Variants in GCSAML observed in about 807,000 individuals in gnomAD.
The protein encoded by GCSAML is germinal center associated signaling and motility like.
GCSAML carries 9 observed loss-of-function variants against 13.0 expected under a neutral mutation model. That is an observed-to-expected ratio of 0.69 (90% CI 0.42 to 1.21). The LOEUF (loss-of-function observed/expected upper bound fraction) is 1.21, where lower values mean the gene tolerates loss of function less well. Among genes scored for constraint, GCSAML ranks in the 50% most tolerant of loss-of-function variants. GCSAML has a pLI of 0.00. For missense variants in GCSAML, 143 were observed against 153.4 expected (o/e 0.93, Z 0.36); for synonymous variants, 37 against 52.9 (o/e 0.70, Z 1.31).
At chr1:247,510,746 C>T (rs1006671905) in intron 1 of GCSAML, among the ~76,000 whole-genome samples, 4 of 152,160 alleles carry the variant, frequency 2.6e-5, no homozygotes, top group Admixed American at 2.0e-4. Flanking sequence ...GCCCTAATTT[C>T]ATTATTTACC....
At position 247,556,389 on chromosome 1, in the gene GCSAML, T is replaced by A; in HGVS notation, c.30-18T>A. 1 of 1,588,742 alleles carries A rather than the reference T, an allele frequency of 6.3e-7. No homozygotes were observed. The highest frequency in any genetic ancestry group is 1.1e-5 in the South Asian group (1 of 89,686). On this transcript the variant is annotated intron_variant, in intron 1 of 4. Transcript: ENST00000366488. The stretch of plus-strand genomic sequence containing the variant: ...GGGCAGTAACAATCTCTCTTTTTTC[T>A]TATGTGTTTCCATATAGTTGCCTGG...
In GCSAML at chr1:247,550,654, A is replaced by AAC. The variant is rs570301983; in HGVS notation, c.29+1435_29+1436insCA. 4.5e-3 allele frequency among the ~76,000 whole-genome samples: 673 copies of AAC among 150,902 alleles called. 4 individuals carry two copies. Among genetic ancestry groups the AAC allele is most frequent in the African/African-American group, 0.015 (604 of 40,940 alleles). The stretch of plus-strand genomic sequence containing the variant: ...TCTGTCTCAAATAAACAAACAAACA[A>AAC]AAAAAAATGCTTAAGGGTTCATGGA... On this transcript the variant is annotated intron_variant, in intron 1 of 4. Coordinates refer to ENST00000366488, the MANE Select transcript of GCSAML (RefSeq NM_145278.5).
At chr1:247,552,404 T>G (rs4925560) in intron 1 of GCSAML, among the ~76,000 whole-genome samples, 52,397 of 152,140 alleles carry the variant, frequency 0.34, 11,070 homozygotes, top group East Asian at 0.74. Context: ...AGCCTCCTGT[T>G]GCTCTGACCC....
At chr1:247,573,110 A>C (rs939890902) in intron 4 of GCSAML, among the ~76,000 whole-genome samples, 1 of 152,206 alleles carries the variant, frequency 6.6e-6, no homozygotes, top group Non-Finnish European at 1.5e-5. Context: ...GCTGGGCTCC[A>C]TGGTGGTGGG....
In GCSAML at chr1:247,550,404, G is replaced by T. The variant is rs141527588; in HGVS notation, c.29+1184G>T. On this transcript the variant is annotated intron_variant, in intron 1 of 4. Coordinates refer to ENST00000366488, the MANE Select transcript of GCSAML (RefSeq NM_145278.5). ...TGTAATCCCAGCACTTTGGGAGGCC[G>T]AGGCGGGTGGATCACGAGGTCAGGA... Among the ~76,000 whole-genome samples, 376 of 152,252 alleles carry T rather than the reference G, an allele frequency of 2.5e-3. 1 individual carries two copies. The highest frequency in any genetic ancestry group is 8.7e-3 in the African/African-American group (360 of 41,554).
In GCSAML at chr1:247,574,432, A is replaced by G; in HGVS notation, c.*50A>G. On this transcript the variant is annotated 3_prime_UTR_variant, in exon 5 of 5. Transcript: ENST00000366488. ...TCCAGCAATGAAGACAATGCAGAAT[A>G]GCAGACTCTGGCGAAGTTGTTCACC... 6.3e-7 allele frequency: 1 copy of G among 1,597,742 alleles called. No homozygotes were observed. The highest frequency in any genetic ancestry group is 1.1e-5 in the South Asian group (1 of 88,452).
At chr1:247,531,804 T>G in intron 2 of GCSAML, 36 of 1,614,128 alleles carry the variant, frequency 2.2e-5, no homozygotes, top group Non-Finnish European at 2.9e-5. Context: ...TGAATGCCTT[T>G]CTCCGCCCTT....
intron 1 of GCSAML, among the ~76,000 whole-genome samples, chr1:247,522,771 A>C (rs1441417555): frequency 6.6e-6 from 1 of 152,190 alleles, no homozygotes; most frequent in African/African-American, 2.4e-5. Context: ...GGACACAAAC[A>C]CTGCGGAAGG....
Position 247,549,147 on chromosome 1 carries a change from G to A in GCSAML, c.-45G>A, listed in dbSNP as rs920001331. 1 of 1,613,992 alleles carries A rather than the reference G, an allele frequency of 6.2e-7. No individual in the cohort carries two copies. Among genetic ancestry groups the A allele is most frequent in the Non-Finnish European group, 8.5e-7 (1 of 1,180,016 alleles). On this transcript the variant is annotated 5_prime_UTR_variant, in exon 1 of 5. The change creates a new upstream start codon in the 5' untranslated region. Transcript: ENST00000366488. Reference sequence around the variant, plus strand: ...GGTGCTTTGGTCAGAACTTCCCCAAGTGGAGTGAAACTCAGGAGCTGAGAA... The same window carrying A: ...GGTGCTTTGGTCAGAACTTCCCCAAATGGAGTGAAACTCAGGAGCTGAGAA...
At chr1:247,549,949 A>C (rs1366648883) in intron 1 of GCSAML, among the ~76,000 whole-genome samples, 2 of 152,160 alleles carry the variant, frequency 1.3e-5, no homozygotes, top group Non-Finnish European at 2.9e-5. Context: ...CTTGCATATG[A>C]CGTGACTACA....
At chr1:247,571,575 A>G (rs1337480205) in intron 4 of GCSAML, among the ~76,000 whole-genome samples, 1 of 152,180 alleles carries the variant, frequency 6.6e-6, no homozygotes, top group Admixed American at 6.5e-5. Flanking sequence ...ATCCGCCATT[A>G]GTCTGATGGG....
At chr1:247,550,284 A>C (rs578256164) in intron 1 of GCSAML, among the ~76,000 whole-genome samples, 1 of 152,296 alleles carries the variant, frequency 6.6e-6, no homozygotes, top group South Asian at 2.1e-4. Context: ...ACCAGGTTAA[A>C]TAGTTCAGCT....
intron 3 of GCSAML, among the ~76,000 whole-genome samples, chr1:247,564,267 A>G (rs1668254084): frequency 6.6e-6 from 1 of 152,006 alleles, no homozygotes; most frequent in African/African-American, 2.4e-5. Context: ...CAAGAAGTTG[A>G]AAGAAGCTGG....
chr1:247,566,537 C>G (rs1668375416), intron 4 of GCSAML, among the ~76,000 whole-genome samples: 2 of 152,102 alleles, frequency 1.3e-5, no homozygotes, highest in African/African-American at 4.8e-5. Flanking sequence ...GTCACTGTGT[C>G]CAGCCTATTA....
At chr1:247,538,825 C>T (rs1667311544) in intron 2 of GCSAML, 1 of 450,866 alleles carries the variant, frequency 2.2e-6, no homozygotes, top group African/African-American at 2.0e-5. Context: ...CCGCCACCAC[C>T]CAGTTTGTGG....
At chr1:247,521,593 G>C (rs1666430057) in intron 1 of GCSAML, among the ~76,000 whole-genome samples, 1 of 152,200 alleles carries the variant, frequency 6.6e-6, no homozygotes, top group South Asian at 2.1e-4. Flanking sequence ...TGTTGGCTGG[G>C]CTGGACTCCA....
chr1:247,556,673 G>A (rs975642157), intron 2 of GCSAML, among the ~76,000 whole-genome samples: 1 of 152,034 alleles, frequency 6.6e-6, no homozygotes, highest in African/African-American at 2.4e-5. Flanking sequence ...CACGTGTTTT[G>A]TTTCTATTGA....
chr1:247,531,863 C>G, intron 2 of GCSAML: 2 of 1,614,154 alleles, frequency 1.2e-6, no homozygotes, highest in Middle Eastern at 1.6e-4. Context: ...CCGTAAGAGA[C>G]CAGGATGAGC....
chr1:247,517,166 A>G (rs1167334167), intron 1 of GCSAML, among the ~76,000 whole-genome samples: 3 of 152,212 alleles, frequency 2.0e-5, no homozygotes, highest in African/African-American at 7.2e-5. Context: ...GGTCTTTTGG[A>G]TAATGTCAGA....
Sources: gnomAD v4.1 joint callset for allele counts (sites outside exome capture counted in the v4.1 genomes callset) on GRCh38, gnomAD v4.1.1 for gene constraint, MANE v1.5 for transcripts, NCBI Gene and HGNC (gene_info 2026-07-23, HGNC 2026-07-21) for gene names.